The following ACYP2 variants were observed in gnomAD, a reference collection of about 807,000 sequenced individuals.
The protein encoded by ACYP2 is acylphosphatase-2.
ACYP2 carries 12 observed loss-of-function variants against 11.2 expected under a neutral mutation model. The observed-to-expected ratio is 1.08, with a 90% CI of 0.69 to 1.74. The LOEUF (loss-of-function observed/expected upper bound fraction) is 1.74, where lower values mean the gene tolerates loss of function less well. Among genes scored for constraint, ACYP2 ranks in the 40% most tolerant of loss-of-function variants. ACYP2 has a pLI of 0.00. For synonymous variants in ACYP2, 43 were observed against 32.2 expected, an observed-to-expected ratio of 1.33 and a Z score of -1.13; for missense variants, 134 against 101.9, an observed-to-expected ratio of 1.31 and a Z score of -1.35.
intron 6 of ACYP2, among the ~76,000 whole-genome samples, chr2:54,214,524 A>C (rs1392333535): frequency 6.6e-6 from 1 of 152,132 alleles, no homozygotes; most frequent in Non-Finnish European, 1.5e-5. Context: ...TGTTATTGTC[A>C]ACTTTGTCAA....
intron 5 of ACYP2, among the ~76,000 whole-genome samples, chr2:54,138,408 A>G (rs1681393459): frequency 6.6e-6 from 1 of 152,196 alleles, no homozygotes; most frequent in Non-Finnish European, 1.5e-5. Flanking sequence ...GTTTTTCATA[A>G]TGTTTTTATG....
At chr2:54,070,825 C>G (rs977428610) in intron 4 of ACYP2, among the ~76,000 whole-genome samples, 1 of 150,922 alleles carries the variant, frequency 6.6e-6, no homozygotes, top group South Asian at 2.1e-4. Flanking sequence ...CAGTCTCCAA[C>G]ACCCAGGCTC....
intron 6 of ACYP2, among the ~76,000 whole-genome samples, chr2:54,246,358 C>A (rs1307520334): frequency 6.6e-6 from 1 of 152,118 alleles, no homozygotes; most frequent in African/African-American, 2.4e-5. Flanking sequence ...GAGGTTGAGT[C>A]TTCCTATCTA....
chr2:54,201,220 C>T (rs77236683), intron 6 of ACYP2, among the ~76,000 whole-genome samples: 38,989 of 151,672 alleles, frequency 0.26, 5,286 homozygotes, highest in South Asian at 0.43. Flanking sequence ...ATTCTCCTGC[C>T]TCAGCTTCCC....
chr2:54,268,902 G>A (rs557044489), intron 6 of ACYP2, among the ~76,000 whole-genome samples: 15 of 152,018 alleles, frequency 9.9e-5, no homozygotes, highest in Non-Finnish European at 1.9e-4. Flanking sequence ...CATAACCTGA[G>A]AGTTTACAAT....
rs553404231 is a variant in ACYP2, at chr2:54,209,137, T to C, written c.404+70389T>C. 3.3e-5 allele frequency among the ~76,000 whole-genome samples: 5 copies of C among 152,094 alleles called. No individual in the cohort carries two copies. The East Asian group carries it at 7.7e-4, about 23-fold the overall frequency. ...AAATCTGTTTTCTTAAAATATGACA[T>C]TGGGGGGAAGTAGAGAAACTTTTCA... On this transcript the variant is annotated intron_variant, in intron 6 of 6. Transcript: ENST00000607452.
Position 54,304,731 on chromosome 2 carries a change from G to T in ACYP2, c.448G>T (p.Asp150Tyr), listed in dbSNP as rs1321582033. 6.2e-7 allele frequency: 1 copy of T among 1,612,132 alleles called. No homozygotes were observed. The highest frequency in any genetic ancestry group is 1.7e-5 in the Admixed American group (1 of 59,962). The change falls in exon 7 of 7, where the codon GAC becomes TAC. Residue 150 changes from aspartate to tyrosine, a missense_variant. Asp to Tyr is a radical substitution (Grantham distance 160). Transcript: ENST00000607452. ...GGTTGGAAGCCCTAGTTCTCGCATT[G>T]ACCGCACAAACTTTTCTAATGAAAA...
intron 2 of ACYP2, among the ~76,000 whole-genome samples, chr2:53,984,979 T>A (rs917777810): frequency 3.9e-5 from 6 of 151,984 alleles, no homozygotes; most frequent in Admixed American, 1.3e-4. Flanking sequence ...AAAACAAGGA[T>A]GTTAATTTTA....
chr2:54,057,815 G>T (rs1156989156), intron 4 of ACYP2, among the ~76,000 whole-genome samples: 1 of 152,124 alleles, frequency 6.6e-6, no homozygotes, highest in Non-Finnish European at 1.5e-5. Context: ...GAAGGCCCTG[G>T]GTGATGTAAT....
At chr2:53,994,362 A>C (rs190110974) in intron 2 of ACYP2, among the ~76,000 whole-genome samples, 124 of 150,230 alleles carry the variant, frequency 8.3e-4, no homozygotes, top group African/African-American at 2.6e-3. Context: ...ACGAAAAAAA[A>C]CAAAATATTA....
intron 6 of ACYP2, among the ~76,000 whole-genome samples, chr2:54,267,113 T>A (rs958962964): frequency 6.6e-6 from 1 of 152,176 alleles, no homozygotes; most frequent in Non-Finnish European, 1.5e-5. Context: ...GGGAGAGGCA[T>A]TGATGCTATC....
At chr2:54,085,151 A>T (rs1036384848) in intron 4 of ACYP2, 6 of 152,246 alleles carry the variant, frequency 3.9e-5, no homozygotes, top group Non-Finnish European at 7.3e-5. Context: ...ATTCCTGGTC[A>T]GGGCCACTGT....
chr2:53,990,005 A>G (rs1672211715), intron 2 of ACYP2, among the ~76,000 whole-genome samples: 5 of 137,190 alleles, frequency 3.6e-5, no homozygotes, highest in South Asian at 2.3e-4. Context: ...TTTGAGATGG[A>G]GTCTTGCTCT....
chr2:53,973,901 GTA>G lies in ACYP2; in HGVS notation c.62+97_62+98del, dbSNP rs1397763943. ...TGTGTGTGTGTGTGTGTGTGTGTGT[GTA>G]TATATTTTTTTTTTTTTTTTTTTTT... On this transcript the variant is annotated intron_variant, in intron 2 of 6. Transcript: ENST00000607452. 1.9e-3 allele frequency: 165 copies of G among 87,554 alleles called. 1 individual carries two copies. Among genetic ancestry groups the G allele is most frequent in the East Asian group, 0.013 (42 of 3,158 alleles). 5.4% of individuals were successfully genotyped at this position (87,554 alleles called of 1,614,324 possible).
At chr2:54,075,997 A>C (rs1350186146) in intron 4 of ACYP2, among the ~76,000 whole-genome samples, 2 of 152,148 alleles carry the variant, frequency 1.3e-5, no homozygotes, top group Non-Finnish European at 2.9e-5. Flanking sequence ...CATTATAAAA[A>C]GTGTTTTGAT....
At chr2:54,060,495 G>A (rs539222602) in intron 4 of ACYP2, among the ~76,000 whole-genome samples, 3 of 151,922 alleles carry the variant, frequency 2.0e-5, no homozygotes, top group Non-Finnish European at 4.4e-5. Context: ...TCCTTTTACT[G>A]TCTTTGTTTC....
intron 2 of ACYP2, among the ~76,000 whole-genome samples, chr2:54,024,342 G>A (rs1674162968): frequency 6.6e-6 from 1 of 151,996 alleles, no homozygotes; most frequent in Non-Finnish European, 1.5e-5. Context: ...CTCCAGCCTG[G>A]GCAACAGATC....
chr2:54,140,559 C>A (rs1225393403), intron 6 of ACYP2, among the ~76,000 whole-genome samples: 3 of 151,930 alleles, frequency 2.0e-5, no homozygotes, highest in African/African-American at 4.8e-5. Context: ...CTTGCACACA[C>A]ACACTTTTAT....
At chr2:54,027,844 T>C (rs994521361) in intron 2 of ACYP2, among the ~76,000 whole-genome samples, 3 of 144,506 alleles carry the variant, frequency 2.1e-5, no homozygotes, top group Non-Finnish European at 3.0e-5. Context: ...TTTCTTTTTT[T>C]TTTTTTTTTT....
Sources: gnomAD v4.1 joint callset for allele counts (sites outside exome capture counted in the v4.1 genomes callset) on GRCh38, gnomAD v4.1.1 for gene constraint, MANE v1.5 for transcripts, NCBI Gene and HGNC (gene_info 2026-07-23, HGNC 2026-07-21) for gene names.